The following FRMD3 variants were observed in gnomAD, a reference collection of about 807,000 sequenced individuals.
FRMD3 encodes the protein FERM domain containing 3, also known as FERM domain-containing protein 3.
A neutral mutation model predicts 70.2 loss-of-function variants in FRMD3; 33 were observed. The ratio of observed to expected loss-of-function variants is 0.47; its 90% CI spans 0.36 to 0.63. The LOEUF is 0.63. Ranked by LOEUF, FRMD3 falls within the 20% of genes least tolerant of loss-of-function variation. The pLI is 0.00. For missense variants in FRMD3, 632 were observed against 711.4 expected, an observed-to-expected ratio of 0.89 and a Z score of 1.27; for synonymous variants, 279 against 255.9, an observed-to-expected ratio of 1.09 and a Z score of -0.86.
chr9:83,415,598 A>G (rs981199809), intron 1 of FRMD3, among the ~76,000 whole-genome samples: 1 of 148,350 alleles, frequency 6.7e-6, no homozygotes, highest in Non-Finnish European at 1.5e-5. Context: ...GCCCACCACC[A>G]CGACTGACTA....
intron 1 of FRMD3, among the ~76,000 whole-genome samples, chr9:83,456,797 T>C (rs1827830173): frequency 6.6e-6 from 1 of 151,992 alleles, no homozygotes; most frequent in African/African-American, 2.4e-5. Context: ...CTGGGCAAAA[T>C]GGCAAGACCC....
intron 1 of FRMD3, among the ~76,000 whole-genome samples, chr9:83,480,194 C>T (rs1267713952): frequency 6.6e-6 from 1 of 152,050 alleles, no homozygotes; most frequent in African/African-American, 2.4e-5. Context: ...TCATGATGCC[C>T]ATAAATAGGG....
At chr9:83,509,303 T>C (rs1183187128) in intron 1 of FRMD3, among the ~76,000 whole-genome samples, 5 of 152,196 alleles carry the variant, frequency 3.3e-5, no homozygotes, top group African/African-American at 1.2e-4. Flanking sequence ...CTTTGCCACA[T>C]CTAGAAGACT....
At chr9:83,417,786 T>C (rs1162912880) in intron 1 of FRMD3, among the ~76,000 whole-genome samples, 1 of 152,104 alleles carries the variant, frequency 6.6e-6, no homozygotes, top group Admixed American at 6.5e-5. Context: ...ATTTAAGGAA[T>C]GTTCAGGGGA....
At chr9:83,545,446 C>T in the FRMD3 span, among the ~76,000 whole-genome samples, 1 of 150,698 alleles carries the variant, frequency 6.6e-6, no homozygotes, top group Admixed American at 6.7e-5. Context: ...CAAGCTCCGC[C>T]TCCTGGGTTC....
upstream of FRMD3, chr9:83,538,572 G>A (rs990757448): frequency 3.6e-5 from 7 of 195,514 alleles, no homozygotes; most frequent in Non-Finnish European, 6.2e-5. The surrounding 1 kb of genome is among the most constrained non-coding windows in gnomAD (Gnocchi z 4.7). Flanking sequence ...CGCGCGCCGA[G>A]CAGCTGAAGG....
chr9:83,449,186 C>T (rs991719732), intron 1 of FRMD3, among the ~76,000 whole-genome samples: 1 of 152,204 alleles, frequency 6.6e-6, no homozygotes, highest in East Asian at 1.9e-4. Context: ...GATTGCCCCA[C>T]CAGTCTGGAC....
At chr9:83,567,120 A>T in the FRMD3 span, among the ~76,000 whole-genome samples, 1 of 152,252 alleles carries the variant, frequency 6.6e-6, no homozygotes, top group East Asian at 1.9e-4. Flanking sequence ...ATCTAGGCAG[A>T]GGTTCCCAAA....
Position 83,510,661 on chromosome 9 carries a change from T to C in FRMD3, c.147+27424A>G, listed in dbSNP as rs990882967. Among the ~76,000 whole-genome samples, 5 of 152,178 alleles carry C rather than the reference T, an allele frequency of 3.3e-5. No homozygotes were observed. In the East Asian group the frequency reaches 5.8e-4, roughly 18 times the overall value. ...GGATCAACTAACTGCGGTACGTCCA[T>C]ATAACGAAATAGTATTTGGCAATAA... On this transcript the variant is annotated intron_variant, in intron 1 of 13. Coordinates refer to ENST00000304195, the MANE Select transcript of FRMD3 (RefSeq NM_174938.6).
At chr9:83,373,540 A>G (rs919796295) in intron 2 of FRMD3, among the ~76,000 whole-genome samples, 13 of 152,326 alleles carry the variant, frequency 8.5e-5, no homozygotes, top group South Asian at 8.3e-4. Flanking sequence ...ATCACAAAAT[A>G]AAGAAGCCAA....
At chr9:83,558,182 TAACTA>T in the FRMD3 span, among the ~76,000 whole-genome samples, 1 of 152,218 alleles carries the variant, frequency 6.6e-6, no homozygotes, top group African/African-American at 2.4e-5. Context: ...TACAGTAGCT[TAACTA>T]ACATTTTTGT....
intron 1 of FRMD3, among the ~76,000 whole-genome samples, chr9:83,529,426 T>C (rs1433131745): frequency 6.6e-6 from 1 of 152,192 alleles, no homozygotes; most frequent in East Asian, 1.9e-4. Context: ...AGTTGCAAAG[T>C]CTTATGAATA....
chr9:83,407,878 TTCTC>T (rs147066768), intron 1 of FRMD3, among the ~76,000 whole-genome samples: 191 of 89,074 alleles, frequency 2.1e-3, no homozygotes, highest in Middle Eastern at 5.4e-3. Flanking sequence ...TCTCTCATCT[TTCTC>T]TCTCTCTCTC....
At chr9:83,357,496 T>C (rs1014660394) in intron 3 of FRMD3, among the ~76,000 whole-genome samples, 2 of 151,478 alleles carry the variant, frequency 1.3e-5, no homozygotes, top group Non-Finnish European at 2.9e-5. Flanking sequence ...CTTTAAGGAA[T>C]CTCCACACTG....
chr9:83,423,658 G>A (rs1014905297), intron 1 of FRMD3, among the ~76,000 whole-genome samples: 12 of 136,854 alleles, frequency 8.8e-5, no homozygotes, highest in Admixed American at 4.1e-4. Context: ...GTGCAGTGGC[G>A]TGATCTCAGC....
At chr9:83,426,130 A>G (rs79287358) in intron 1 of FRMD3, among the ~76,000 whole-genome samples, 2,090 of 152,266 alleles carry the variant, frequency 0.014, 38 homozygotes, top group African/African-American at 0.048. Context: ...AATTCTTCCT[A>G]TGCCAAAACT....
intron 1 of FRMD3, among the ~76,000 whole-genome samples, chr9:83,417,104 A>G (rs1435717769): frequency 6.6e-6 from 1 of 152,246 alleles, no homozygotes; most frequent in Non-Finnish European, 1.5e-5. Flanking sequence ...ATTGAAAAAT[A>G]TAACACAATC....
At chr9:83,521,179 A>G (rs17405910) in intron 1 of FRMD3, among the ~76,000 whole-genome samples, 1,653 of 152,038 alleles carry the variant, frequency 0.011, 21 homozygotes, top group Non-Finnish European at 0.018. Flanking sequence ...CCTGGCCTAT[A>G]TTAAGAAAGA....
chr9:83,486,929 C>A (rs1160759258), intron 1 of FRMD3, among the ~76,000 whole-genome samples: 2 of 152,154 alleles, frequency 1.3e-5, no homozygotes, highest in African/African-American at 2.4e-5. Flanking sequence ...TAAACTCCTG[C>A]ATTAACAGTG....
Sources: allele counts gnomAD v4.1 joint callset (sites outside exome capture counted in the v4.1 genomes callset), GRCh38; gene constraint gnomAD v4.1.1; non-coding constraint Gnocchi (gnomAD v3.1); transcripts MANE v1.5; gene names NCBI Gene and HGNC (gene_info 2026-07-23, HGNC 2026-07-21).